The following SGCZ variants were observed in gnomAD, a reference collection of about 807,000 sequenced individuals.
SGCZ encodes zeta-sarcoglycan.
SGCZ carries 40 observed loss-of-function variants against 41.3 expected under a neutral mutation model. The ratio of observed to expected loss-of-function variants is 0.97; its 90% CI spans 0.75 to 1.26. The LOEUF (loss-of-function observed/expected upper bound fraction) is 1.26, where lower values mean the gene tolerates loss of function less well. Ranked by LOEUF, SGCZ falls within the 50% of genes most tolerant of loss-of-function variation. The probability of loss-of-function intolerance (pLI) is 0.00; values close to 1 mark genes in which losing one functional copy is unlikely to be tolerated. For synonymous variants in SGCZ, 206 were observed against 137.5 expected (o/e 1.50, Z -3.49); for missense variants, 552 against 369.8 (o/e 1.49, Z -4.04).
intron 1 of SGCZ, among the ~76,000 whole-genome samples, chr8:14,721,398 T>C (rs948682545): frequency 3.3e-5 from 5 of 152,196 alleles, no homozygotes; most frequent in African/African-American, 1.2e-4. Context: ...TGATTCGTGC[T>C]TTTATCTGAA....
In SGCZ at chr8:14,890,903, G is replaced by A. The variant is rs573615757; in HGVS notation, c.40-335977C>T. Among the ~76,000 whole-genome samples, 196 of 152,254 alleles carry A rather than the reference G, an allele frequency of 1.3e-3. 2 individuals carry two copies. The highest frequency in any genetic ancestry group is 2.2e-4 in the Non-Finnish European group (15 of 68,012). Reference sequence around the variant, plus strand: ...TTCAGAATTATGCTAAATCCACTCTGCCTGTGCTCTAGAAATGGAAAAACA... The same window carrying A: ...TTCAGAATTATGCTAAATCCACTCTACCTGTGCTCTAGAAATGGAAAAACA... On this transcript the variant is annotated intron_variant, in intron 1 of 7. Transcript: ENST00000382080.
In SGCZ at chr8:15,107,844, T is replaced by C. The variant is rs143490407; in HGVS notation, c.39+129741A>G. Among the ~76,000 whole-genome samples the C allele has an allele frequency of 1.0e-3, 157 of 152,318 alleles. 3 individuals carry two copies. In the East Asian group the frequency reaches 0.026, roughly 25 times the overall value. ...CATTTCTTCCATTGCCATAGATCTC[T>C]TCTGAGATCAATTTTGGAGATTTGT... On this transcript the variant is annotated intron_variant, in intron 1 of 7. Coordinates refer to ENST00000382080, the MANE Select transcript of SGCZ (RefSeq NM_139167.4).
chr8:15,084,481 T>C (rs1160151809), intron 1 of SGCZ, among the ~76,000 whole-genome samples: 1 of 152,178 alleles, frequency 6.6e-6, no homozygotes, highest in Non-Finnish European at 1.5e-5. Flanking sequence ...CCAGGCACGG[T>C]GGCTCACGCC....
At chr8:15,009,015 G>C (rs1802724750) in intron 1 of SGCZ, among the ~76,000 whole-genome samples, 2 of 152,006 alleles carry the variant, frequency 1.3e-5, no homozygotes, top group African/African-American at 4.8e-5. Context: ...ACGTATCCTG[G>C]CCCAAGCTAT....
chr8:14,356,412 T>A (rs17119179), intron 2 of SGCZ, among the ~76,000 whole-genome samples: 1 of 151,990 alleles, frequency 6.6e-6, no homozygotes, highest in South Asian at 2.1e-4. Context: ...AGAGAAAAAC[T>A]ACAGAGAAAA....
At chr8:14,107,946 G>A (rs1182027367) in intron 6 of SGCZ, among the ~76,000 whole-genome samples, 1 of 151,972 alleles carries the variant, frequency 6.6e-6, no homozygotes, top group African/African-American at 2.4e-5. Context: ...CCCGGCCTCA[G>A]GATCCCTGTT....
At chr8:14,261,618 T>C (rs1458997523) in intron 3 of SGCZ, among the ~76,000 whole-genome samples, 4 of 152,192 alleles carry the variant, frequency 2.6e-5, no homozygotes, top group African/African-American at 4.8e-5. Flanking sequence ...TGGATGTTTA[T>C]AGTTATTCTT....
chr8:14,142,574 G>T (rs972752220), intron 5 of SGCZ, among the ~76,000 whole-genome samples: 1 of 152,100 alleles, frequency 6.6e-6, no homozygotes, highest in Non-Finnish European at 1.5e-5. Flanking sequence ...GTCTCAGAGT[G>T]GTTCTAGAAC....
At chr8:14,514,826 C>CAG (rs1491539395) in intron 2 of SGCZ, among the ~76,000 whole-genome samples, 40 of 87,254 alleles carry the variant, frequency 4.6e-4, no homozygotes, top group African/African-American at 1.1e-3. Context: ...TATATACACG[C>CAG]ACACACACAC....
intron 1 of SGCZ, among the ~76,000 whole-genome samples, chr8:14,639,324 C>T (rs958272591): frequency 2.6e-5 from 4 of 151,726 alleles, no homozygotes; most frequent in South Asian, 2.1e-4. Context: ...CATTTGAGTG[C>T]TGTCATTAAA....
intron 1 of SGCZ, among the ~76,000 whole-genome samples, chr8:14,902,743 C>T (rs1409992307): frequency 2.0e-5 from 3 of 152,038 alleles, no homozygotes; most frequent in Non-Finnish European, 4.4e-5. Flanking sequence ...CTTTACAATT[C>T]TTAAGCATAG....
At chr8:14,433,113 T>C (rs553681206) in intron 2 of SGCZ, among the ~76,000 whole-genome samples, 1 of 152,082 alleles carries the variant, frequency 6.6e-6, no homozygotes, top group Non-Finnish European at 1.5e-5. Context: ...ACATGTTACA[T>C]ATGTGGAAAA....
chr8:14,976,643 G>A (rs1801488275), intron 1 of SGCZ, among the ~76,000 whole-genome samples: 1 of 152,106 alleles, frequency 6.6e-6, no homozygotes, highest in African/African-American at 2.4e-5. Flanking sequence ...TTTCACCCTA[G>A]CAAGAGAATA....
rs78868174 is a variant in SGCZ, at chr8:14,488,946, C to G, written c.234+65786G>C. Among the ~76,000 whole-genome samples the G allele has an allele frequency of 2.7e-3, 353 of 129,884 alleles. 3 individuals are homozygous for G. The highest frequency in any genetic ancestry group is 0.027 in the East Asian group (125 of 4,672). The allele number at this position is 129,884 out of a possible 152,430, so 85.2% of individuals were successfully genotyped here. On this transcript the variant is annotated intron_variant, in intron 2 of 7. Coordinates refer to ENST00000382080, the MANE Select transcript of SGCZ (RefSeq NM_139167.4). ...TCCTCCATGGATTCAGCAGCAGTAT[C>G]TAAAAGAAAAAAATTCATCAACCAA...
chr8:14,779,199 T>C (rs1024574599), intron 1 of SGCZ, among the ~76,000 whole-genome samples: 23 of 152,346 alleles, frequency 1.5e-4, no homozygotes, highest in Non-Finnish European at 3.2e-4. Flanking sequence ...ACCAATAGAT[T>C]ATGGCTGAAG....
At chr8:14,765,156 A>C (rs1051682034) in intron 1 of SGCZ, among the ~76,000 whole-genome samples, 1 of 152,170 alleles carries the variant, frequency 6.6e-6, no homozygotes, top group African/African-American at 2.4e-5. Flanking sequence ...ATCCCGGGAA[A>C]GCTGTGCCCT....
chr8:14,771,610 C>T (rs531319746), intron 1 of SGCZ, among the ~76,000 whole-genome samples: 2 of 152,068 alleles, frequency 1.3e-5, no homozygotes, highest in African/African-American at 4.8e-5. Context: ...ATGCATTGTA[C>T]AACATAATTA....
chr8:14,562,550 A>G (rs1804238192), intron 1 of SGCZ, among the ~76,000 whole-genome samples: 1 of 152,210 alleles, frequency 6.6e-6, no homozygotes, highest in Non-Finnish European at 1.5e-5. Flanking sequence ...AATGGTAGAA[A>G]GAGAATATCT....
At chr8:14,924,552 G>A (rs1799687051) in intron 1 of SGCZ, among the ~76,000 whole-genome samples, 1 of 151,668 alleles carries the variant, frequency 6.6e-6, no homozygotes, top group East Asian at 1.9e-4. Context: ...AAAAAAGCAC[G>A]CCTTCCTATT....
Sources: allele counts gnomAD v4.1 joint callset (sites outside exome capture counted in the v4.1 genomes callset), GRCh38; gene constraint gnomAD v4.1.1; transcripts MANE v1.5; gene names NCBI Gene and HGNC (gene_info 2026-07-23, HGNC 2026-07-21).